IL18: variants seen among roughly 807,000 people sequenced by gnomAD.
The protein encoded by IL18 is interleukin 18.
Under a neutral mutation model 14.2 loss-of-function variants are expected in IL18, and 8 were observed. That is an observed-to-expected ratio of 0.56 (90% CI 0.33 to 1.01). The LOEUF (loss-of-function observed/expected upper bound fraction) is 1.01, where lower values mean the gene tolerates loss of function less well. Among genes scored for constraint, IL18 ranks in the 50% least tolerant of loss-of-function variants. The pLI is 0.03. For missense variants in IL18, 166 were observed against 231.1 expected, an observed-to-expected ratio of 0.72 and a Z score of 1.83; for synonymous variants, 67 against 71.0, an observed-to-expected ratio of 0.94 and a Z score of 0.28.
chr11:112,150,309 C>A, intron 3 of IL18, 103 bp from the exon 4 acceptor site: 1 of 749,872 alleles, frequency 1.3e-6, no homozygotes, highest in African/African-American at 1.8e-5. Context: ...TAATGACAAT[C>A]TTCTGTTCCA....
chr11:112,155,179 G>A, intron 1 of IL18, 118 bp from the exon 2 acceptor site: 1 of 553,012 alleles, frequency 1.8e-6, no homozygotes, highest in Non-Finnish European at 3.3e-6. Context: ...GAACAATCTT[G>A]ACATTCAATA....
intron 1 of IL18, among the ~76,000 whole-genome samples, chr11:112,160,312 CTTT>C (rs56345155): frequency 4.3e-5 from 6 of 138,064 alleles, no homozygotes; most frequent in Non-Finnish European, 6.1e-5. Context: ...CTTCCCCTGC[CTTT>C]TTTTTTTTTT....
At chr11:112,161,488 G>A (rs570823319) in intron 1 of IL18, among the ~76,000 whole-genome samples, 2 of 152,292 alleles carry the variant, frequency 1.3e-5, no homozygotes, top group East Asian at 3.9e-4. Flanking sequence ...GCATTGTTAA[G>A]CCACTAAGAG....
rs1247030111 is a variant in IL18, at chr11:112,161,146, C to T, written c.-9+2760G>A. Among the ~76,000 whole-genome samples the T allele has an allele frequency of 1.8e-4, 28 of 151,676 alleles. 1 individual carries two copies. Among genetic ancestry groups the T allele is most frequent in the Non-Finnish European group, 2.9e-5 (2 of 68,006 alleles). ...CAGGAGTAAGCAGTGACAATTTGTT[C>T]TTTAAAACAGACATAAAAATTTAGT... On this transcript the variant is annotated intron_variant, in intron 1 of 5. Transcript: ENST00000280357.
rs942324445 is a variant in IL18, at chr11:112,155,221, T to A, written c.-8-160A>T. On this transcript the variant is annotated intron_variant, in intron 1 of 5. Transcript: ENST00000280357. Reference sequence around the variant, plus strand: ...AGAAGTTTCAGCTTATGAATACCCATGTTTAAGTGTTCTCTTACAAATCAT... The same window carrying A: ...AGAAGTTTCAGCTTATGAATACCCAAGTTTAAGTGTTCTCTTACAAATCAT... 9.4e-6 allele frequency: 5 copies of A among 531,254 alleles called. No homozygotes were observed. In the East Asian group the frequency reaches 1.4e-4, roughly 15 times the overall value. The allele number at this position is 531,254 out of a possible 1,614,324, so 32.9% of individuals were successfully genotyped here. A position where few individuals can be genotyped will look rare whatever the true frequency, so the allele number is the denominator to read the frequency against.
chr11:112,146,039 T>C (rs1333898275), intron 5 of IL18, among the ~76,000 whole-genome samples: 75 of 150,476 alleles, frequency 5.0e-4, no homozygotes, highest in African/African-American at 1.6e-3. Flanking sequence ...CTTTCTTTTT[T>C]TTTTTTTTTT....
chr11:112,155,213 A>T lies in IL18; in HGVS notation c.-8-152T>A. The T allele has an allele frequency of 1.1e-5, 6 of 533,054 alleles. No homozygotes were observed. The South Asian group carries it at 1.8e-4, about 16-fold the overall frequency. The allele number at this position is 533,054 out of a possible 1,614,324, so 33.0% of individuals were successfully genotyped here. ...TAAATGCCAGAAGTTTCAGCTTATG[A>T]ATACCCATGTTTAAGTGTTCTCTTA... is the stretch of plus-strand genomic sequence containing the variant. On this transcript the variant is annotated intron_variant, in intron 1 of 5. Transcript: ENST00000280357.
intron 3 of IL18, 40 bp downstream of exon 3, chr11:112,153,552 A>G (rs1257663346): frequency 1.4e-6 from 2 of 1,451,504 alleles, no homozygotes; most frequent in Non-Finnish European, 1.9e-6. Flanking sequence ...TCAAGCAGAT[A>G]CTTAGTTTGC....
chr11:112,145,606 G>GC (rs1214137997), intron 5 of IL18, among the ~76,000 whole-genome samples: 1 of 152,150 alleles, frequency 6.6e-6, no homozygotes, highest in Non-Finnish European at 1.5e-5. Context: ...GGGCATGGTG[G>GC]CAGGCGCCTG....
chr11:112,163,202 C>G (rs141157688), intron 1 of IL18, among the ~76,000 whole-genome samples: 1 of 152,104 alleles, frequency 6.6e-6, no homozygotes, highest in African/African-American at 2.4e-5. Context: ...AAAATTATCT[C>G]GGGGAATGCT....
At chr11:112,157,403 C>T (rs1351545530) in intron 1 of IL18, among the ~76,000 whole-genome samples, 3 of 152,126 alleles carry the variant, frequency 2.0e-5, no homozygotes, top group Admixed American at 1.3e-4. Flanking sequence ...AATATTTGAG[C>T]TGATTCACCA....
chr11:112,157,761 G>A (rs1228190996), intron 1 of IL18, among the ~76,000 whole-genome samples: 2 of 151,894 alleles, frequency 1.3e-5, no homozygotes, highest in Non-Finnish European at 2.9e-5. Context: ...GGTTGTTTGA[G>A]GCCTCAACAT....
At chr11:112,143,912 G>A in intron 5 of IL18, 95 bp from the exon 6 acceptor site, 1 of 805,302 alleles carries the variant, frequency 1.2e-6, no homozygotes, top group Non-Finnish European at 1.9e-6. Context: ...CAGAACAAAA[G>A]TAGTTTTGCT....
intron 3 of IL18, among the ~76,000 whole-genome samples, chr11:112,151,425 T>C (rs1352063915): frequency 1.3e-5 from 2 of 152,204 alleles, no homozygotes; most frequent in African/African-American, 4.8e-5. Context: ...GTGGTTTTTA[T>C]ATTTTTATCT....
chr11:112,162,264 C>T (rs1294309035), intron 1 of IL18, among the ~76,000 whole-genome samples: 2 of 151,800 alleles, frequency 1.3e-5, no homozygotes, highest in Non-Finnish European at 2.9e-5. Flanking sequence ...AGGCAATGGA[C>T]CAGCATTTAT....
intron 2 of IL18, 61 bp from the exon 3 acceptor site, chr11:112,153,664 C>T (rs2135317525): frequency 8.2e-7 from 1 of 1,219,646 alleles, no homozygotes; most frequent in East Asian, 2.3e-5. Flanking sequence ...ACTCAGAATT[C>T]AATCTCATTC....
intron 3 of IL18, among the ~76,000 whole-genome samples, chr11:112,151,798 C>T (rs1398885737): frequency 6.6e-6 from 1 of 152,214 alleles, no homozygotes; most frequent in East Asian, 1.9e-4. Flanking sequence ...TCCCCTCAAT[C>T]TTGAAATGCT....
intron 5 of IL18, among the ~76,000 whole-genome samples, chr11:112,147,620 G>A (rs1310806237): frequency 6.6e-6 from 1 of 152,186 alleles, no homozygotes; most frequent in East Asian, 1.9e-4. Context: ...CTGGTTGGAG[G>A]GAGATAGCTG....
chr11:112,162,636 C>A (rs1389898288), intron 1 of IL18, among the ~76,000 whole-genome samples: 1 of 152,092 alleles, frequency 6.6e-6, no homozygotes, highest in Non-Finnish European at 1.5e-5. Context: ...TGAGCCACTG[C>A]ACCCAACCTG....
Sources: gnomAD v4.1 joint callset for allele counts (sites outside exome capture counted in the v4.1 genomes callset) on GRCh38, gnomAD v4.1.1 for gene constraint, MANE v1.5 for transcripts, NCBI Gene and HGNC (gene_info 2026-07-23, HGNC 2026-07-21) for gene names.